Variants in EHD2 observed in about 807,000 individuals in gnomAD.
EHD2 encodes the protein EH domain containing 2, also known as EH domain-containing protein 2.
Under a neutral mutation model 41.0 loss-of-function variants are expected in EHD2, and 27 were observed. The observed-to-expected ratio is 0.66, with a 90% CI of 0.49 to 0.91. The LOEUF is 0.91. Ranked by LOEUF, EHD2 falls within the 40% of genes least tolerant of loss-of-function variation. The pLI, the probability that EHD2 is intolerant of heterozygous loss-of-function variation, is 0.00. For synonymous variants in EHD2, 342 were observed against 341.0 expected (o/e 1.00, Z -0.03); for missense variants, 673 against 773.9 (o/e 0.87, Z 1.55).
At chr19:47,720,044 A>C (rs1269020566) in intron 3 of EHD2, among the ~76,000 whole-genome samples, 1 of 151,122 alleles carries the variant, frequency 6.6e-6, no homozygotes, top group African/African-American at 2.4e-5. Context: ...GCATTTGTGT[A>C]TAGCAGTGGA....
chr19:47,717,543 A>G (rs1973642282), intron 2 of EHD2, among the ~76,000 whole-genome samples: 1 of 152,176 alleles, frequency 6.6e-6, no homozygotes. Flanking sequence ...AATCCCGGCC[A>G]GCTGGGTGGC....
intron 3 of EHD2, among the ~76,000 whole-genome samples, chr19:47,724,722 T>C (rs1264458796): frequency 6.6e-6 from 1 of 152,126 alleles, no homozygotes; most frequent in African/African-American, 2.4e-5. Flanking sequence ...GGACAGGGCT[T>C]GGCACACATG....
chr19:47,741,750 C>T lies in EHD2; in HGVS notation c.*318C>T, dbSNP rs1215552907. 2.3e-5 allele frequency: 13 copies of T among 576,024 alleles called. No homozygotes were observed. In the Admixed American group the frequency reaches 2.5e-4, roughly 11 times the overall value. The allele number at this position is 576,024 out of a possible 1,614,324, so 35.7% of individuals were successfully genotyped here. ...TATTGAGCACCTACTATGTGCCCAG[C>T]CCTGTTCTAGGCACTGGGCATTACC... On this transcript the variant is annotated 3_prime_UTR_variant, in exon 6 of 6. Transcript: ENST00000263277. The surrounding 1 kb of genome is among the most constrained non-coding windows in gnomAD (Gnocchi z 4.5).
In EHD2 at chr19:47,719,784, G is replaced by C. The variant is rs958615131; in HGVS notation, c.502+1178G>C. Among the ~76,000 whole-genome samples, 3 of 152,046 alleles carry C rather than the reference G, an allele frequency of 2.0e-5. No individual in the cohort carries two copies. Among genetic ancestry groups the C allele is most frequent in the Admixed American group, 2.0e-4 (3 of 15,268 alleles). On this transcript the variant is annotated intron_variant, in intron 3 of 5. Transcript: ENST00000263277. The surrounding 1 kb of genome is among the most constrained non-coding windows in gnomAD (Gnocchi z 4.1). Reference sequence around the variant, plus strand: ...CCTGGGGCTCCCACCCCAGGGCCTGGACCTGGGACAGCGGGAGGGAGAGGC... The same window carrying C: ...CCTGGGGCTCCCACCCCAGGGCCTGCACCTGGGACAGCGGGAGGGAGAGGC...
At chr19:47,738,453 C>T (rs1245549661) in intron 5 of EHD2, among the ~76,000 whole-genome samples, 1 of 151,864 alleles carries the variant, frequency 6.6e-6, no homozygotes, top group African/African-American at 2.4e-5. Context: ...CAGGCATCCG[C>T]CACCACGCCC....
At chr19:47,726,760 T>C (rs1973757797) in intron 4 of EHD2, among the ~76,000 whole-genome samples, 1 of 152,174 alleles carries the variant, frequency 6.6e-6, no homozygotes, top group African/African-American at 2.4e-5. Flanking sequence ...CACCACAGCC[T>C]TGAACTCCTG....
chr19:47,724,199 C>T (rs1599891780), intron 3 of EHD2, among the ~76,000 whole-genome samples: 4 of 151,920 alleles, frequency 2.6e-5, no homozygotes, highest in Admixed American at 2.6e-4. Context: ...GTGCCTCAGC[C>T]TTCTGAATAT....
At chr19:47,726,963 T>G (rs1401073543) in intron 4 of EHD2, among the ~76,000 whole-genome samples, 1 of 150,360 alleles carries the variant, frequency 6.7e-6, no homozygotes, top group East Asian at 2.0e-4. Context: ...CAGGCATGAG[T>G]ATGTTGAATT....
intron 3 of EHD2, among the ~76,000 whole-genome samples, chr19:47,723,846 TTTTTA>T (rs1973722869): frequency 6.6e-6 from 1 of 151,552 alleles, no homozygotes; most frequent in South Asian, 2.1e-4. Context: ...TGTGGATAAT[TTTTTA>T]TTTTATTTTT....
intron 1 of EHD2, among the ~76,000 whole-genome samples, chr19:47,715,719 A>T (rs931051783): frequency 2.6e-5 from 4 of 152,020 alleles, no homozygotes; most frequent in African/African-American, 9.7e-5. Context: ...ACCACCATCA[A>T]TCCCCCTTCT....
chr19:47,715,363 A>G (rs1568586825), intron 1 of EHD2, among the ~76,000 whole-genome samples: 1 of 151,904 alleles, frequency 6.6e-6, no homozygotes, highest in Non-Finnish European at 1.5e-5. Flanking sequence ...CTTTGCACGC[A>G]CCGTCCTCTC....
In EHD2 at chr19:47,741,834, G is replaced by A. The variant is rs1483326684; in HGVS notation, c.*402G>A. 2.1e-6 allele frequency: 1 copy of A among 471,184 alleles called. No homozygotes were observed. The highest frequency in any genetic ancestry group is 4.2e-6 in the Non-Finnish European group (1 of 237,382). 29.2% of individuals were successfully genotyped at this position (471,184 alleles called of 1,614,324 possible). A position where few individuals can be genotyped will look rare whatever the true frequency, so the allele number is the denominator to read the frequency against. On this transcript the variant is annotated 3_prime_UTR_variant, in exon 6 of 6. Coordinates refer to ENST00000263277, the MANE Select transcript of EHD2 (RefSeq NM_014601.4). This position sits in a 1 kb window ranked among gnomAD's most constrained non-coding sequence, Gnocchi z 4.5. ...CATGGAAGGTGACGTTCCCAGGAGA[G>A]GGCACCTACACAGTCACGCAAACAC...
At position 47,741,288 on chromosome 19, in the gene EHD2, C is replaced by A; in HGVS notation, c.1488C>A (p.Asp496Glu). The A allele has an allele frequency of 6.2e-7, 1 of 1,614,054 alleles. No homozygotes were observed. Among genetic ancestry groups the A allele is most frequent in the African/African-American group, 1.3e-5 (1 of 75,052 alleles). The change falls in exon 6 of 6, where the codon GAC becomes GAA. Residue 496 changes from aspartate to glutamate, a missense_variant. Asp to Glu is a conservative substitution (Grantham distance 45). Coordinates refer to ENST00000263277, the MANE Select transcript of EHD2 (RefSeq NM_014601.4). The surrounding 1 kb of genome is among the most constrained non-coding windows in gnomAD (Gnocchi z 4.5). ...LGRIWKLSDV[D>E]RDGMLDDEEF... ...GCATCTGGAAGCTCAGCGATGTGGA[C>A]CGCGACGGCATGCTGGATGATGAGG...
chr19:47,717,052 T>C (rs764194859), intron 2 of EHD2, 36 bp downstream of exon 2: 5 of 1,597,760 alleles, frequency 3.1e-6, no homozygotes, highest in Non-Finnish European at 4.2e-6. Context: ...CATCTTTCTT[T>C]TTCTTTTTGT....
rs188300386 is a variant in EHD2 at position 47,716,637 on chromosome 19, G to A, written c.25G>A (p.Gly9Arg). ...CATGTTCAGCTGGCTGAAGCGGGGC[G>A]GGGCACGGGGCCAGCAGCCCGAGGC... The part of the protein sequence containing the change: MFSWLKRG[G>R]ARGQQPEAIR... Residue 9 changes from glycine (G) to arginine (R), a missense_variant, in exon 2 of 6, where the codon GGG becomes AGG. Coordinates refer to ENST00000263277, the MANE Select transcript of EHD2 (RefSeq NM_014601.4). 33 of 1,555,114 alleles carry A rather than the reference G, an allele frequency of 2.1e-5. No individual in the cohort carries two copies. Among genetic ancestry groups the A allele is most frequent in the Non-Finnish European group, 2.8e-5 (32 of 1,150,884 alleles).
At chr19:47,715,135 T>G (rs1973612739) in intron 1 of EHD2, among the ~76,000 whole-genome samples, 1 of 151,972 alleles carries the variant, frequency 6.6e-6, no homozygotes, top group Non-Finnish European at 1.5e-5. Flanking sequence ...TTTACAGGGT[T>G]ATAAATGTTA....
At position 47,741,075 on chromosome 19, in the gene EHD2, G is replaced by C. The variant is rs1966982622; in HGVS notation, c.1275G>C (p.Arg425=). 1 of 1,609,524 alleles carries C rather than the reference G, an allele frequency of 6.2e-7. No individual in the cohort carries two copies. Among genetic ancestry groups the C allele is most frequent in the Non-Finnish European group, 8.5e-7 (1 of 1,179,552 alleles). The change falls in exon 6 of 6, where the codon CGG becomes CGC. Residue 425 remains arginine, a synonymous_variant. Transcript: ENST00000263277. The surrounding 1 kb of genome is among the most constrained non-coding windows in gnomAD (Gnocchi z 4.5). ...CCCACATGGGCCCGTTTGTGGAGCGGGGACCTGACGAGGCCATGGAGGACG... is the reference window on the plus strand; with the variant it reads ...CCCACATGGGCCCGTTTGTGGAGCGCGGACCTGACGAGGCCATGGAGGACG... ...EGTHMGPFVE[R]GPDEAMEDGE... is the part of the protein sequence containing the mutation.
chr19:47,714,409 G>A (rs1266338448), intron 1 of EHD2, among the ~76,000 whole-genome samples: 2 of 152,162 alleles, frequency 1.3e-5, no homozygotes, highest in Non-Finnish European at 2.9e-5. Flanking sequence ...AGCATCAACG[G>A]GGAGCAATCG....
chr19:47,716,672 G>T lies in EHD2; in HGVS notation c.60G>T (p.Thr20=). ...GCCAGCAGCCCGAGGCCATCCGCAC[G>T]GTGACCTCGGCCCTCAAGGAGCTGT... ...ARGQQPEAIR[T]VTSALKELYR... Residue 20 remains threonine, a synonymous_variant, in exon 2 of 6, where the codon ACG becomes ACT. Transcript: ENST00000263277. 3 of 1,601,186 alleles carry T rather than the reference G, an allele frequency of 1.9e-6. No individual in the cohort carries two copies. Among genetic ancestry groups the T allele is most frequent in the Non-Finnish European group, 2.6e-6 (3 of 1,173,648 alleles).
Sources: gnomAD v4.1 joint callset for allele counts (sites outside exome capture counted in the v4.1 genomes callset) on GRCh38, gnomAD v4.1.1 for gene constraint, Gnocchi (gnomAD v3.1) non-coding constraint, MANE v1.5 for transcripts, NCBI Gene and HGNC (gene_info 2026-07-23, HGNC 2026-07-21) for gene names.